Variants in NKAIN2 observed in about 807,000 individuals in gnomAD.
NKAIN2 encodes sodium/potassium-transporting ATPase subunit beta-1-interacting protein 2.
In NKAIN2, 14 loss-of-function variants were observed where a neutral mutation model predicts 32.6. The observed-to-expected ratio is 0.43, with a 90% CI of 0.28 to 0.67. The LOEUF (loss-of-function observed/expected upper bound fraction) is 0.67. Ranked by LOEUF, NKAIN2 falls within the 30% of genes least tolerant of loss-of-function variation. The pLI is 0.17. For synonymous variants in NKAIN2, 80 were observed against 87.2 expected (o/e 0.92, Z 0.46); for missense variants, 198 against 258.3 (o/e 0.77, Z 1.60).
intron 3 of NKAIN2, among the ~76,000 whole-genome samples, chr6:124,578,882 C>A (rs1399914269): frequency 6.6e-6 from 1 of 151,998 alleles, no homozygotes; most frequent in African/African-American, 2.4e-5. Context: ...AGAGAGATAG[C>A]AGGGTGGAGA....
chr6:124,345,224 A>G lies in NKAIN2; in HGVS notation c.193-10043A>G, dbSNP rs376662763. 5.9e-5 allele frequency among the ~76,000 whole-genome samples: 9 copies of G among 152,166 alleles called. No homozygotes were observed. In the East Asian group the frequency reaches 1.7e-3, roughly 29 times the overall value. On this transcript the variant is annotated intron_variant, in intron 2 of 6. Coordinates refer to ENST00000368417, the MANE Select transcript of NKAIN2 (RefSeq NM_001040214.3). ...GACAAGCTTTTTGATGGGCTACTGGATTCAGTTTGCCAGTATTTTATTGAT... is the reference window on the plus strand; with the variant it reads ...GACAAGCTTTTTGATGGGCTACTGGGTTCAGTTTGCCAGTATTTTATTGAT...
At chr6:123,827,437 C>T (rs9490952) in intron 1 of NKAIN2, among the ~76,000 whole-genome samples, 23,491 of 151,976 alleles carry the variant, frequency 0.15, 4,272 homozygotes, top group African/African-American at 0.44. Context: ...ACATGTACCA[C>T]ATGAAAAAAT....
chr6:124,414,862 A>G (rs1036077344), intron 3 of NKAIN2, among the ~76,000 whole-genome samples: 1 of 152,128 alleles, frequency 6.6e-6, no homozygotes. Flanking sequence ...TGATATTGTT[A>G]ACTTGCTAAT....
At chr6:124,040,088 G>A (rs1781799134) in intron 1 of NKAIN2, among the ~76,000 whole-genome samples, 2 of 151,944 alleles carry the variant, frequency 1.3e-5, no homozygotes, top group Non-Finnish European at 2.9e-5. Context: ...TCCAGACCTA[G>A]CTAGAGTTGA....
At chr6:123,948,767 A>G (rs888684603) in intron 1 of NKAIN2, among the ~76,000 whole-genome samples, 2 of 151,654 alleles carry the variant, frequency 1.3e-5, no homozygotes, top group African/African-American at 4.8e-5. Context: ...TTAGTTTAAT[A>G]TAGTCCTCTT....
intron 4 of NKAIN2, among the ~76,000 whole-genome samples, chr6:124,698,052 T>G (rs1029917481): frequency 6.6e-6 from 1 of 152,204 alleles, no homozygotes; most frequent in South Asian, 2.1e-4. Context: ...GGATTCAGAC[T>G]GGCATAATTG....
At chr6:123,814,963 G>A (rs1773630126) in intron 1 of NKAIN2, among the ~76,000 whole-genome samples, 1 of 152,198 alleles carries the variant, frequency 6.6e-6, no homozygotes, top group Non-Finnish European at 1.5e-5. Flanking sequence ...TGAATGAATA[G>A]TGGGAGGAAA....
At chr6:124,040,199 G>A (rs998200422) in intron 1 of NKAIN2, among the ~76,000 whole-genome samples, 9 of 151,824 alleles carry the variant, frequency 5.9e-5, no homozygotes, top group Admixed American at 4.6e-4. Flanking sequence ...ATTTTCATAC[G>A]TTGTGCAATT....
intron 1 of NKAIN2, among the ~76,000 whole-genome samples, chr6:123,978,074 A>G (rs1413661508): frequency 1.3e-5 from 2 of 152,198 alleles, no homozygotes; most frequent in African/African-American, 2.4e-5. Context: ...CCTTTAAGAA[A>G]CACTCCTTTC....
chr6:124,711,049 T>C (rs1775423914), intron 4 of NKAIN2, among the ~76,000 whole-genome samples: 1 of 147,712 alleles, frequency 6.8e-6, no homozygotes, highest in Non-Finnish European at 1.5e-5. Context: ...CTCTTAGCAT[T>C]TGCTTGTCTG....
intron 3 of NKAIN2, among the ~76,000 whole-genome samples, chr6:124,364,215 C>A (rs187025267): frequency 1.6e-5 from 2 of 126,596 alleles, no homozygotes; most frequent in East Asian, 2.3e-4. Flanking sequence ...CAAACTAAAG[C>A]ACAGGAAAGG....
At chr6:124,054,094 G>A (rs554461531) in intron 1 of NKAIN2, among the ~76,000 whole-genome samples, 2 of 152,084 alleles carry the variant, frequency 1.3e-5, no homozygotes, top group Non-Finnish European at 2.9e-5. Context: ...TCAAAGAAAA[G>A]TCATAGTGAG....
intron 3 of NKAIN2, among the ~76,000 whole-genome samples, chr6:124,584,449 C>T (rs753135101): frequency 5.3e-5 from 8 of 151,956 alleles, no homozygotes; most frequent in African/African-American, 1.7e-4. Context: ...GTCAGGAGTT[C>T]GAGATCAGCC....
intron 4 of NKAIN2, among the ~76,000 whole-genome samples, chr6:124,773,926 G>A (rs1489079755): frequency 6.6e-6 from 1 of 152,172 alleles, no homozygotes; most frequent in Non-Finnish European, 1.5e-5. Flanking sequence ...TAACAAGGAA[G>A]CTCATGATAG....
chr6:124,666,974 G>A (rs1210192605), intron 4 of NKAIN2, among the ~76,000 whole-genome samples: 1 of 151,984 alleles, frequency 6.6e-6, no homozygotes, highest in Admixed American at 6.6e-5. Context: ...ACTGCTCATT[G>A]AGAATACTAT....
At chr6:124,034,875 T>C (rs1427797017) in intron 1 of NKAIN2, among the ~76,000 whole-genome samples, 1 of 152,094 alleles carries the variant, frequency 6.6e-6, no homozygotes, top group Non-Finnish European at 1.5e-5. Context: ...AGATTAGTGA[T>C]GTTGAGCATT....
At chr6:123,899,947 T>C (rs890328569) in intron 1 of NKAIN2, among the ~76,000 whole-genome samples, 6 of 151,960 alleles carry the variant, frequency 3.9e-5, no homozygotes, top group African/African-American at 1.5e-4. Context: ...AGCACGGGAG[T>C]GTCAGCCAAG....
chr6:124,541,594 T>C (rs1470785731), intron 3 of NKAIN2, among the ~76,000 whole-genome samples: 10 of 152,156 alleles, frequency 6.6e-5, no homozygotes, highest in Admixed American at 6.5e-4. Flanking sequence ...TTTAATACTG[T>C]GACATTCAAC....
chr6:124,673,002 C>T (rs1293302106), intron 4 of NKAIN2, among the ~76,000 whole-genome samples: 1 of 152,038 alleles, frequency 6.6e-6, no homozygotes, highest in Non-Finnish European at 1.5e-5. Context: ...TTACATCTTG[C>T]ATGGCTGAAA....
Sources: allele counts gnomAD v4.1 joint callset (sites outside exome capture counted in the v4.1 genomes callset), GRCh38; gene constraint gnomAD v4.1.1; transcripts MANE v1.5; gene names NCBI Gene and HGNC (gene_info 2026-07-23, HGNC 2026-07-21).